The following KLF8 variants were observed in gnomAD, a reference collection of about 807,000 sequenced individuals.
KLF8 encodes the protein KLF transcription factor 8, also known as Krueppel-like factor 8.
A neutral mutation model predicts 18.2 loss-of-function variants in KLF8; 10 were observed. That is an observed-to-expected ratio of 0.55 (90% CI 0.34 to 0.93). KLF8 has a LOEUF of 0.93. KLF8 is among the 40% of genes least tolerant of loss of function. KLF8 has a pLI of 0.02. For missense variants in KLF8, 264 were observed against 277.9 expected, an observed-to-expected ratio of 0.95 and a Z score of 0.36; for synonymous variants, 109 against 97.3, an observed-to-expected ratio of 1.12 and a Z score of -0.71.
chrX:56,235,919 T>C (rs1254112708), intron 1 of KLF8, among the ~76,000 whole-genome samples: 1 of 112,393 alleles, frequency 8.9e-6, no homozygotes, highest in Non-Finnish European at 1.9e-5. Context: ...TTTATTTAAA[T>C]GCTGCTGTGT....
the KLF8 span, among the ~76,000 whole-genome samples, chrX:56,225,208 T>C: frequency 9.0e-6 from 1 of 111,497 alleles, no homozygotes; most frequent in Admixed American, 9.6e-5. Flanking sequence ...AACATTTAGA[T>C]CTTTTCAATT....
chrX:56,199,813 A>G, the KLF8 span, among the ~76,000 whole-genome samples: 1 of 111,778 alleles, frequency 8.9e-6, no homozygotes, highest in African/African-American at 3.3e-5. Context: ...TCACAATAGC[A>G]AAGACTTGGA....
At chrX:56,201,845 C>G in the KLF8 span, among the ~76,000 whole-genome samples, 1 of 111,564 alleles carries the variant, frequency 9.0e-6, no homozygotes, top group African/African-American at 3.3e-5. Context: ...ATGGCTGGCC[C>G]TAAGTCAGTT....
chrX:56,066,547 G>A, the KLF8 span, among the ~76,000 whole-genome samples: 2 of 111,938 alleles, frequency 1.8e-5, no homozygotes, highest in African/African-American at 3.2e-5. Context: ...TCAGCACCAG[G>A]TGATTTTTGC....
At chrX:56,220,494 C>T in the KLF8 span, among the ~76,000 whole-genome samples, 2 of 109,205 alleles carry the variant, frequency 1.8e-5, no homozygotes, top group Non-Finnish European at 3.8e-5. Flanking sequence ...CTTTCCTTTT[C>T]TTTTTTTTTG....
chrX:56,160,239 C>G, the KLF8 span, among the ~76,000 whole-genome samples: 1 of 111,963 alleles, frequency 8.9e-6, no homozygotes, highest in Non-Finnish European at 1.9e-5. Context: ...TTTGATTGCA[C>G]TGTGGTCTGA....
Position 56,269,466 on chromosome X carries a change from G to A in KLF8, c.735G>A (p.Gln245=). Residue 245 remains glutamine (Q), a synonymous_variant, in exon 4 of 6, where the codon CAG becomes CAA. Coordinates refer to ENST00000468660, the MANE Select transcript of KLF8 (RefSeq NM_007250.5). ...STIESGSSAL[Q]SLQGLQQEPA... is the part of the protein sequence containing the mutation. Reference sequence around the variant, plus strand: ...TTGAGAGTGGATCCTCAGCCTTGCAGAGTCTGCAGGGACTACAGCAAGAGT... The same window carrying A: ...TTGAGAGTGGATCCTCAGCCTTGCAAAGTCTGCAGGGACTACAGCAAGAGT... 11 of 1,205,897 alleles carry A rather than the reference G, an allele frequency of 9.1e-6. No individual in the cohort carries two copies. The highest frequency in any genetic ancestry group is 1.2e-5 in the Non-Finnish European group (11 of 892,650).
At chrX:56,144,678 G>A in the KLF8 span, among the ~76,000 whole-genome samples, 42 of 104,010 alleles carry the variant, frequency 4.0e-4, no homozygotes, top group Non-Finnish European at 5.1e-4. Flanking sequence ...GCTTGAACCC[G>A]GGAGGTGGAG....
At chrX:56,150,233 A>T in the KLF8 span, among the ~76,000 whole-genome samples, 3 of 111,805 alleles carry the variant, frequency 2.7e-5, no homozygotes, top group African/African-American at 9.7e-5. Context: ...TAGAGCCTTT[A>T]GTGAAGGTTC....
intron 5 of KLF8, 35 bp from the exon 6 acceptor site, chrX:56,284,278 C>G: frequency 9.7e-7 from 1 of 1,028,198 alleles, no homozygotes; most frequent in Non-Finnish European, 1.3e-6. Flanking sequence ...CATCCTCTCT[C>G]TGATTCTCTT....
At chrX:56,231,256 G>A (rs186725301), upstream of KLF8, among the ~76,000 whole-genome samples, 22 of 111,718 alleles carry the variant, frequency 2.0e-4, no homozygotes, top group Admixed American at 2.0e-3. Context: ...GAGTGTTTTG[G>A]GGAAAGGAAG....
the KLF8 span, among the ~76,000 whole-genome samples, chrX:56,211,684 A>T: frequency 9.0e-6 from 1 of 111,541 alleles, no homozygotes; most frequent in Non-Finnish European, 1.9e-5. Context: ...AGAGTAAAAA[A>T]CCTTTGAATT....
chrX:55,909,050 G>C, the KLF8 span, among the ~76,000 whole-genome samples: 1 of 111,226 alleles, frequency 9.0e-6, no homozygotes, highest in Non-Finnish European at 1.9e-5. Context: ...AGGTATTAGA[G>C]CCTCGACTTC....
At chrX:56,239,411 GT>G (rs1410895575) in intron 1 of KLF8, among the ~76,000 whole-genome samples, 2 of 112,063 alleles carry the variant, frequency 1.8e-5, no homozygotes, top group African/African-American at 6.5e-5. Flanking sequence ...CATTTGAAAG[GT>G]TGTTAGATGT....
At chrX:56,183,314 T>C in the KLF8 span, among the ~76,000 whole-genome samples, 1 of 112,065 alleles carries the variant, frequency 8.9e-6, no homozygotes. Flanking sequence ...CTAAGACTGA[T>C]GGAAAAGTGC....
chrX:55,993,842 C>A, the KLF8 span, among the ~76,000 whole-genome samples: 1 of 108,294 alleles, frequency 9.2e-6, no homozygotes, highest in Middle Eastern at 4.7e-3. Context: ...TCTGGTCAAT[C>A]TTGGGAGGTA....
At chrX:56,077,796 T>C in the KLF8 span, among the ~76,000 whole-genome samples, 1 of 111,837 alleles carries the variant, frequency 8.9e-6, no homozygotes, top group East Asian at 2.8e-4. Flanking sequence ...CTTCCATTTG[T>C]TTGTATCCTC....
At chrX:56,233,647 A>T (rs768567185) in intron 1 of KLF8, among the ~76,000 whole-genome samples, 44 of 111,654 alleles carry the variant, frequency 3.9e-4, no homozygotes, top group Non-Finnish European at 8.1e-4. Context: ...AATACTCCTT[A>T]AGCGGTAAGG....
the KLF8 span, among the ~76,000 whole-genome samples, chrX:56,165,295 CA>C: frequency 1.8e-5 from 2 of 111,876 alleles, no homozygotes; most frequent in African/African-American, 6.5e-5. Flanking sequence ...CGAAGCCAAC[CA>C]GGGGTGGAGG....
Sources: allele counts gnomAD v4.1 joint callset (sites outside exome capture counted in the v4.1 genomes callset), GRCh38; gene constraint gnomAD v4.1.1; transcripts MANE v1.5; gene names NCBI Gene and HGNC (gene_info 2026-07-23, HGNC 2026-07-21).